The following NRG4 variants were observed in gnomAD, a reference collection of about 807,000 sequenced individuals.
The protein encoded by NRG4 is pro-neuregulin-4, membrane-bound isoform.
In NRG4, 10 loss-of-function variants were observed where a neutral mutation model predicts 15.0. The ratio of observed to expected loss-of-function variants is 0.67; its 90% CI spans 0.41 to 1.13. The LOEUF (loss-of-function observed/expected upper bound fraction) is 1.13, where lower values mean the gene tolerates loss of function less well. NRG4 is among the 50% of genes most tolerant of loss of function. The pLI is 0.00. For synonymous variants in NRG4, 41 were observed against 50.1 expected, an observed-to-expected ratio of 0.82 and a Z score of 0.77; for missense variants, 139 against 140.2, an observed-to-expected ratio of 0.99 and a Z score of 0.04.
chr15:76,054,092 ATTTC>A (rs1166008222), intron 2 of NRG4, among the ~76,000 whole-genome samples: 1 of 150,200 alleles, frequency 6.7e-6, no homozygotes, highest in Non-Finnish European at 1.5e-5. Flanking sequence ...ATCCAGAGGG[ATTTC>A]TTTCTTTTTG....
intron 3 of NRG4, among the ~76,000 whole-genome samples, chr15:75,973,701 A>C (rs950259202): frequency 6.6e-6 from 1 of 152,340 alleles, no homozygotes; most frequent in Non-Finnish European, 1.5e-5. Context: ...CCAGCCTTGC[A>C]TCCCAGGGAT....
Position 76,050,517 on chromosome 15 carries a change from G to A in NRG4, c.-105+1550C>T, listed in dbSNP as rs144476194. 7.1e-3 allele frequency among the ~76,000 whole-genome samples: 880 copies of A among 124,500 alleles called. 42 individuals are homozygous for A. Among genetic ancestry groups the A allele is most frequent in the African/African-American group, 0.025 (787 of 31,966 alleles). The allele number at this position is 124,500 out of a possible 152,430, so 81.7% of individuals were successfully genotyped here. A position where few individuals can be genotyped will look rare whatever the true frequency, so the allele number is the denominator to read the frequency against. Reference sequence around the variant, plus strand: ...AGTGCAATGGCTCACTGCAACCTCCGCCTCCCAGGTTCAAGCAATTCTCTT... The same window carrying A: ...AGTGCAATGGCTCACTGCAACCTCCACCTCCCAGGTTCAAGCAATTCTCTT... On this transcript the variant is annotated intron_variant, in intron 4 of 8. Coordinates refer to the NRG4 transcript ENST00000563910.
chr15:75,999,092 T>A (rs371907352), intron 3 of NRG4, among the ~76,000 whole-genome samples: 1 of 152,170 alleles, frequency 6.6e-6, no homozygotes, highest in Non-Finnish European at 1.5e-5. Context: ...TTAATACATA[T>A]AGAGTTTCAC....
chr15:75,943,370 C>T lies in NRG4; in HGVS notation c.*268G>A, dbSNP rs752375567. The T allele has an allele frequency of 1.2e-5, 5 of 430,476 alleles. No individual in the cohort carries two copies. The highest frequency in any genetic ancestry group is 2.1e-5 in the Non-Finnish European group (5 of 243,462). The allele number at this position is 430,476 out of a possible 1,614,324, so 26.7% of individuals were successfully genotyped here. A position where few individuals can be genotyped will look rare whatever the true frequency, so the allele number is the denominator to read the frequency against. ...ACATTTGCCTCTGGTTGCTTCAGCA[C>T]ATCAGCTTTCTGGGGAGAGTCATGT... On this transcript the variant is annotated 3_prime_UTR_variant, in exon 6 of 6. Transcript: ENST00000394907.
chr15:76,058,356 A>G (rs1035015594), intron 1 of NRG4, among the ~76,000 whole-genome samples: 15 of 152,208 alleles, frequency 9.9e-5, no homozygotes, highest in African/African-American at 3.6e-4. Flanking sequence ...AAATTCCACC[A>G]TTAGAGATTA....
At chr15:76,024,447 C>T (rs754762970) in intron 5 of NRG4, among the ~76,000 whole-genome samples, 4 of 152,218 alleles carry the variant, frequency 2.6e-5, no homozygotes, top group Admixed American at 6.5e-5. Context: ...CATCCCAGGC[C>T]TGAGAAACAG....
intron 5 of NRG4, among the ~76,000 whole-genome samples, chr15:75,949,868 T>A (rs2031773264): frequency 6.6e-6 from 1 of 152,258 alleles, no homozygotes; most frequent in Non-Finnish European, 1.5e-5. Flanking sequence ...GGCAGCTTTG[T>A]CAAAAATCAA....
chr15:76,017,579 T>C (rs2035021832), intron 5 of NRG4, among the ~76,000 whole-genome samples: 1 of 152,220 alleles, frequency 6.6e-6, no homozygotes, highest in South Asian at 2.1e-4. Context: ...ATTTTATTTC[T>C]CCTTCACTAA....
Position 75,977,638 on chromosome 15 carries a change from C to T in NRG4, c.105-15664G>A, listed in dbSNP as rs1239332788. Among the ~76,000 whole-genome samples the T allele has an allele frequency of 2.0e-5, 3 of 152,108 alleles. No homozygotes were observed. The highest frequency in any genetic ancestry group is 2.1e-4 in the South Asian group (1 of 4,824). ...CCTGCTTCGGCTCACCCTCTGTGGG[C>T]TGCATCGACTGTCTAACCAGTCCCA... On this transcript the variant is annotated intron_variant, in intron 3 of 5. Coordinates refer to ENST00000394907, the MANE Select transcript of NRG4 (RefSeq NM_138573.4). The surrounding 1 kb of genome is among the most constrained non-coding windows in gnomAD (Gnocchi z 4.9).
chr15:75,987,750 G>A (rs1238267752), intron 3 of NRG4, among the ~76,000 whole-genome samples: 1 of 152,190 alleles, frequency 6.6e-6, no homozygotes, highest in African/African-American at 2.4e-5. Context: ...CTGATTAAGT[G>A]CTATTCAAAG....
chr15:75,995,114 G>T (rs1046149057), intron 3 of NRG4, among the ~76,000 whole-genome samples: 15 of 151,984 alleles, frequency 9.9e-5, no homozygotes, highest in African/African-American at 3.6e-4. Flanking sequence ...CTTGAACCAG[G>T]GAGGCAGAGG....
chr15:75,968,242 C>T (rs977611842), intron 3 of NRG4, among the ~76,000 whole-genome samples: 1 of 152,130 alleles, frequency 6.6e-6, no homozygotes. Context: ...ACTCTCCTTA[C>T]TTTGCTGGCC....
chr15:75,995,823 A>G (rs1247083237), intron 3 of NRG4, among the ~76,000 whole-genome samples: 1 of 152,196 alleles, frequency 6.6e-6, no homozygotes, highest in East Asian at 1.9e-4. Flanking sequence ...ACACTCACAG[A>G]AAGGAGAGGC....
Position 75,952,853 on chromosome 15 carries a change from CTTCA to C in NRG4, c.331+3075_331+3078del, listed in dbSNP as rs1227746317. Among the ~76,000 whole-genome samples the C allele has an allele frequency of 5.3e-5, 8 of 152,074 alleles. No homozygotes were observed. In the East Asian group the frequency reaches 5.8e-4, roughly 11 times the overall value. On this transcript the variant is annotated intron_variant, in intron 5 of 5. Coordinates refer to ENST00000394907, the MANE Select transcript of NRG4 (RefSeq NM_138573.4). Reference sequence around the variant, plus strand: ...TGCTCATTTTTAAAATGAGTTGTTTCTTCATTAAGTTGTAAATATTGTTTATATA... The same window carrying C: ...TGCTCATTTTTAAAATGAGTTGTTTCTTAAGTTGTAAATATTGTTTATATA...
chr15:76,047,361 T>G (rs1015293818), intron 4 of NRG4, among the ~76,000 whole-genome samples: 2 of 150,916 alleles, frequency 1.3e-5, no homozygotes, highest in African/African-American at 2.5e-5. Flanking sequence ...AGCCAAAATA[T>G]GAAATCATCC....
chr15:76,010,056 T>C (rs1371415176), intron 2 of NRG4, among the ~76,000 whole-genome samples: 1 of 152,074 alleles, frequency 6.6e-6, no homozygotes, highest in African/African-American at 2.4e-5. Flanking sequence ...TCTCTCTGCC[T>C]TCCCTTTCTC....
chr15:76,051,160 T>C (rs368334064), intron 4 of NRG4, among the ~76,000 whole-genome samples: 24 of 146,796 alleles, frequency 1.6e-4, no homozygotes, highest in Admixed American at 8.7e-4. Context: ...CGCCCGCCAC[T>C]ACGCCCGGCT....
At chr15:76,024,018 C>A (rs901064580) in intron 5 of NRG4, among the ~76,000 whole-genome samples, 1 of 152,194 alleles carries the variant, frequency 6.6e-6, no homozygotes, top group African/African-American at 2.4e-5. Context: ...GATAGCCCTG[C>A]AGCACCCACC....
intron 3 of NRG4, among the ~76,000 whole-genome samples, chr15:75,990,680 T>TTG (rs1555433991): frequency 6.8e-5 from 10 of 147,700 alleles, no homozygotes; most frequent in South Asian, 6.3e-4. Context: ...TGTTTTTTTT[T>TTG]TTTGTTTTTT....
Sources: allele counts gnomAD v4.1 joint callset (sites outside exome capture counted in the v4.1 genomes callset), GRCh38; gene constraint gnomAD v4.1.1; non-coding constraint Gnocchi (gnomAD v3.1); transcripts MANE v1.5; gene names NCBI Gene and HGNC (gene_info 2026-07-23, HGNC 2026-07-21).